DLG2: variants seen among roughly 807,000 people sequenced by gnomAD.
The protein encoded by DLG2 is discs large MAGUK scaffold protein 2, also known as disks large homolog 2.
DLG2 carries 45 observed loss-of-function variants against 132.5 expected under a neutral mutation model. That is an observed-to-expected ratio of 0.34 (90% CI 0.27 to 0.44). The LOEUF is 0.44. Ranked by LOEUF, DLG2 falls within the 20% of genes least tolerant of loss-of-function variation. The pLI, the probability that DLG2 is intolerant of heterozygous loss-of-function variation, is 1.00. For synonymous variants in DLG2, 424 were observed against 419.6 expected, an observed-to-expected ratio of 1.01 and a Z score of -0.13; for missense variants, 1,045 against 1,196.9, an observed-to-expected ratio of 0.87 and a Z score of 1.87.
At chr11:84,463,279 G>T (rs2099085288) in intron 7 of DLG2, among the ~76,000 whole-genome samples, 1 of 151,194 alleles carries the variant, frequency 6.6e-6, no homozygotes, top group Admixed American at 6.6e-5. Flanking sequence ...TATCCTCTGA[G>T]AAGCCAGCTG....
At chr11:83,878,985 T>G (rs1057279521) in intron 15 of DLG2, among the ~76,000 whole-genome samples, 12 of 152,204 alleles carry the variant, frequency 7.9e-5, no homozygotes, top group African/African-American at 2.9e-4. Flanking sequence ...CAATAGAGTT[T>G]CCTTTCCAAG....
At chr11:84,882,698 A>G (rs1334741075) in intron 6 of DLG2, among the ~76,000 whole-genome samples, 1 of 152,080 alleles carries the variant, frequency 6.6e-6, no homozygotes, top group Non-Finnish European at 1.5e-5. Flanking sequence ...ACTTACATGA[A>G]GTAATGTAAG....
chr11:84,949,143 G>C (rs1043383144), intron 6 of DLG2, among the ~76,000 whole-genome samples: 1 of 152,108 alleles, frequency 6.6e-6, no homozygotes, highest in South Asian at 2.1e-4. Context: ...CTGGGCATCC[G>C]GGGGAGACAT....
rs374769263 is a variant in DLG2 at position 85,502,021 on chromosome 11, A to AG, written c.40+96635_40+96636insC. On this transcript the variant is annotated intron_variant, in intron 3 of 27. Transcript: ENST00000376104. ...TAGCAAAGACTTGGAACCAACCGCA[A>AG]TGTCCACCAATGATAGACTGGATTA... Among the ~76,000 whole-genome samples the AG allele has an allele frequency of 9.7e-3, 1,481 of 152,260 alleles. 33 individuals are homozygous for AG. Among genetic ancestry groups the AG allele is most frequent in the African/African-American group, 0.034 (1,424 of 41,536 alleles).
At chr11:84,125,524 G>A (rs2094133305) in intron 9 of DLG2, among the ~76,000 whole-genome samples, 1 of 152,064 alleles carries the variant, frequency 6.6e-6, no homozygotes, top group African/African-American at 2.4e-5. Context: ...GGATCTTTAG[G>A]GTCAGCAAAT....
intron 6 of DLG2, among the ~76,000 whole-genome samples, chr11:84,981,028 C>G (rs1052795337): frequency 1.3e-5 from 2 of 152,260 alleles, no homozygotes; most frequent in East Asian, 3.9e-4. Context: ...GTCTCTTCTT[C>G]TGGCTTATGA....
intron 8 of DLG2, among the ~76,000 whole-genome samples, chr11:84,215,542 T>C (rs2096825048): frequency 6.6e-6 from 1 of 152,156 alleles, no homozygotes; most frequent in Admixed American, 6.5e-5. Flanking sequence ...TTAAAGTCCA[T>C]TGCCTAGAAC....
chr11:83,734,131 A>G (rs1484894272), intron 18 of DLG2, among the ~76,000 whole-genome samples: 2 of 152,182 alleles, frequency 1.3e-5, no homozygotes, highest in Non-Finnish European at 2.9e-5. Flanking sequence ...ATCTATATTT[A>G]TCTATAGACA....
Position 85,160,079 on chromosome 11 carries a change from T to C in DLG2, c.187-5428A>G, listed in dbSNP as rs202154560. Among the ~76,000 whole-genome samples, 5 of 152,182 alleles carry C rather than the reference T, an allele frequency of 3.3e-5. No homozygotes were observed. In the East Asian group the frequency reaches 5.8e-4, roughly 18 times the overall value. ...GTGGGGCCTGTCAAGATATTCCTTC[T>C]AAGGTAAAAAATAAGTTGCTGAATT... On this transcript the variant is annotated intron_variant, in intron 4 of 27. Coordinates refer to ENST00000376104, the MANE Select transcript of DLG2 (RefSeq NM_001142699.3).
intron 19 of DLG2, among the ~76,000 whole-genome samples, chr11:83,545,435 A>G (rs1592877926): frequency 6.6e-6 from 1 of 152,246 alleles, no homozygotes; most frequent in East Asian, 1.9e-4. Context: ...TGTGCCACTT[A>G]AAAGCTGTTT....
At chr11:85,537,375 T>G (rs955330180) in intron 3 of DLG2, among the ~76,000 whole-genome samples, 2 of 152,202 alleles carry the variant, frequency 1.3e-5, no homozygotes, top group Admixed American at 1.3e-4. Context: ...GCAATAAATC[T>G]CGCTGCTGCT....
rs180696006 is a variant in DLG2, at chr11:83,584,370, C to T, written c.1941-42512G>A. On this transcript the variant is annotated intron_variant, in intron 19 of 27. Coordinates refer to ENST00000376104, the MANE Select transcript of DLG2 (RefSeq NM_001142699.3). ...GATAGCCCAGTTCCATATAACAATACGGCTAGCATAAGTGAGGGATTACTC... is the reference window on the plus strand; with the variant it reads ...GATAGCCCAGTTCCATATAACAATATGGCTAGCATAAGTGAGGGATTACTC... Among the ~76,000 whole-genome samples, 155 of 152,232 alleles carry T rather than the reference C, an allele frequency of 1.0e-3. 2 individuals are homozygous for T. The highest frequency in any genetic ancestry group is 9.1e-3 in the South Asian group (44 of 4,828).
At chr11:84,702,463 A>G (rs1281680813) in intron 6 of DLG2, among the ~76,000 whole-genome samples, 1 of 151,722 alleles carries the variant, frequency 6.6e-6, no homozygotes, top group Non-Finnish European at 1.5e-5. Flanking sequence ...TGTTGACAGA[A>G]CATCATTCTT....
chr11:85,346,110 G>A (rs1030738922), intron 3 of DLG2, among the ~76,000 whole-genome samples: 1 of 151,974 alleles, frequency 6.6e-6, no homozygotes, highest in Admixed American at 6.6e-5. Context: ...GGAGGAACGC[G>A]TCCACCTTAG....
At chr11:84,579,734 G>T (rs1172448181) in intron 6 of DLG2, among the ~76,000 whole-genome samples, 3 of 152,194 alleles carry the variant, frequency 2.0e-5, no homozygotes, top group East Asian at 3.9e-4. Flanking sequence ...ATAAACTAGG[G>T]AAGTATGCAG....
chr11:84,258,682 G>A (rs2097512191), intron 7 of DLG2, among the ~76,000 whole-genome samples: 1 of 152,194 alleles, frequency 6.6e-6, no homozygotes, highest in Admixed American at 6.5e-5. Flanking sequence ...GCCACAAGCA[G>A]TTTTTAAACC....
chr11:85,459,128 T>C (rs2092518806), intron 3 of DLG2, among the ~76,000 whole-genome samples: 1 of 152,118 alleles, frequency 6.6e-6, no homozygotes, highest in Admixed American at 6.5e-5. Flanking sequence ...GCTGGAGGTG[T>C]GGTTAAAGCA....
At chr11:84,954,150 T>C (rs2051316747) in intron 6 of DLG2, among the ~76,000 whole-genome samples, 1 of 152,180 alleles carries the variant, frequency 6.6e-6, no homozygotes, top group Non-Finnish European at 1.5e-5. Context: ...TGCAAATCTC[T>C]ATCTACTTTA....
At chr11:85,438,809 T>G (rs933692397) in intron 3 of DLG2, among the ~76,000 whole-genome samples, 1 of 152,132 alleles carries the variant, frequency 6.6e-6, no homozygotes, top group African/African-American at 2.4e-5. Context: ...GGACACCTCT[T>G]GTCCTTTTAT....
Sources: allele counts gnomAD v4.1 joint callset (sites outside exome capture counted in the v4.1 genomes callset), GRCh38; gene constraint gnomAD v4.1.1; transcripts MANE v1.5; gene names NCBI Gene and HGNC (gene_info 2026-07-23, HGNC 2026-07-21).